The following ADD2 variants were observed in gnomAD, a reference collection of about 807,000 sequenced individuals.
ADD2 encodes adducin 2.
A neutral mutation model predicts 83.0 loss-of-function variants in ADD2; 23 were observed. The ratio of observed to expected loss-of-function variants is 0.28; its 90% CI spans 0.20 to 0.39. The LOEUF (loss-of-function observed/expected upper bound fraction) is 0.39, where lower values mean the gene tolerates loss of function less well. Ranked by LOEUF, ADD2 falls within the 10% of genes least tolerant of loss-of-function variation. ADD2 has a pLI of 1.00. For synonymous variants in ADD2, 375 were observed against 375.4 expected, an observed-to-expected ratio of 1.00 and a Z score of 0.01; for missense variants, 758 against 944.9, an observed-to-expected ratio of 0.80 and a Z score of 2.59.
At chr2:70,695,837 G>A in intron 5 of ADD2, 36 bp from the exon 6 acceptor site, 2 of 1,581,384 alleles carry the variant, frequency 1.3e-6, no homozygotes, top group Non-Finnish European at 1.7e-6. Context: ...GGGCAAGGAG[G>A]GAGAAAGGAC....
chr2:70,723,819 T>C (rs1488898515), intron 1 of ADD2, among the ~76,000 whole-genome samples: 2 of 151,986 alleles, frequency 1.3e-5, no homozygotes, highest in Non-Finnish European at 2.9e-5. Context: ...ACTCAAAGAA[T>C]GGGGTCAGAT....
At position 70,656,967 on chromosome 2, in the gene ADD2, C is replaced by G. The variant is rs1675378889; in HGVS notation, c.*6458G>C. Reference sequence around the variant, plus strand: ...AAAATCAAAGGGCAGCTTTGGTGCTCAGAGATTCAAACAGAAAACTATACA... The same window carrying G: ...AAAATCAAAGGGCAGCTTTGGTGCTGAGAGATTCAAACAGAAAACTATACA... On this transcript the variant is annotated 3_prime_UTR_variant, in exon 16 of 16. Transcript: ENST00000264436. 1 of 151,612 alleles carries G rather than the reference C, an allele frequency of 6.6e-6. No homozygotes were observed. 9.4% of individuals were successfully genotyped at this position (151,612 alleles called of 1,614,324 possible).
chr2:70,678,805 T>G lies in ADD2; in HGVS notation c.1282A>C (p.Lys428Gln), dbSNP rs782359850. 2 of 1,614,136 alleles carry G rather than the reference T, an allele frequency of 1.2e-6. No individual in the cohort carries two copies. Among genetic ancestry groups the G allele is most frequent in the Non-Finnish European group, 1.7e-6 (2 of 1,180,010 alleles). Residue 428 changes from lysine to glutamine, a missense_variant, in exon 11 of 16, where the codon AAG becomes CAG. Coordinates refer to ENST00000264436, the MANE Select transcript of ADD2 (RefSeq NM_001617.4). ...GTATTGAGCCAGCGGGTCTTCTCCTTCTGCTGCTTCTGGGCATGCTGTCGC... is the reference window on the plus strand; with the variant it reads ...GTATTGAGCCAGCGGGTCTTCTCCTGCTGCTGCTTCTGGGCATGCTGTCGC... ...ALRQHAQKQQ[K>Q]EKTRWLNTPN...
chr2:70,758,220 T>C (rs544499650), intron 1 of ADD2, among the ~76,000 whole-genome samples: 3 of 152,246 alleles, frequency 2.0e-5, no homozygotes, highest in South Asian at 4.1e-4. Context: ...TTTTCACAGA[T>C]GATGGGATAC....
At chr2:70,709,372 T>C (rs1428642653) in intron 2 of ADD2, among the ~76,000 whole-genome samples, 1 of 152,084 alleles carries the variant, frequency 6.6e-6, no homozygotes, top group Non-Finnish European at 1.5e-5. Flanking sequence ...GAAACAGATT[T>C]GGCAGGCTGC....
chr2:70,694,737 T>C (rs1553372286), intron 6 of ADD2, among the ~76,000 whole-genome samples: 1 of 152,030 alleles, frequency 6.6e-6, no homozygotes, highest in East Asian at 1.9e-4. Flanking sequence ...TCCTCCCTCA[T>C]TCCCTCTTTC....
At chr2:70,685,889 A>G (rs1553370454) in intron 9 of ADD2, among the ~76,000 whole-genome samples, 1 of 152,184 alleles carries the variant, frequency 6.6e-6, no homozygotes, top group Non-Finnish European at 1.5e-5. Context: ...GCTTCTTCCC[A>G]TCTGCCTGTC....
rs1328847315 is a variant in ADD2, at chr2:70,660,985, T to G, written c.*2440A>C. The G allele has an allele frequency of 6.6e-6, 1 of 152,292 alleles. No homozygotes were observed. The highest frequency in any genetic ancestry group is 6.5e-5 in the Admixed American group (1 of 15,298). The allele number at this position is 152,292 out of a possible 1,614,324, so 9.4% of individuals were successfully genotyped here. A position where few individuals can be genotyped will look rare whatever the true frequency, so the allele number is the denominator to read the frequency against. Reference sequence around the variant, plus strand: ...CTCATGCCTGGCCCTTGACCCAAGCTCAATGCATGTTTTTGGAATGCATGA... The same window carrying G: ...CTCATGCCTGGCCCTTGACCCAAGCGCAATGCATGTTTTTGGAATGCATGA... On this transcript the variant is annotated 3_prime_UTR_variant, in exon 16 of 16. Coordinates refer to ENST00000264436, the MANE Select transcript of ADD2 (RefSeq NM_001617.4).
At chr2:70,722,448 G>A (rs975641235) in intron 1 of ADD2, among the ~76,000 whole-genome samples, 5 of 152,234 alleles carry the variant, frequency 3.3e-5, no homozygotes, top group Admixed American at 1.3e-4. Flanking sequence ...AGAAGTTGAT[G>A]TCACCATTTT....
At position 70,683,874 on chromosome 2, in the gene ADD2, G is replaced by A. The variant is rs1044096712; in HGVS notation, c.949-107C>T. The A allele has an allele frequency of 3.1e-6, 4 of 1,293,830 alleles. No individual in the cohort carries two copies. In the South Asian group the frequency reaches 6.1e-5, roughly 20 times the overall value. The allele number at this position is 1,293,830 out of a possible 1,614,324, so 80.1% of individuals were successfully genotyped here. ...AATGGGGAGTCCAGAGGAGAACTTA[G>A]AGGCCAAACTGAGAAAGAGCCACCC... On this transcript the variant is annotated intron_variant, in intron 9 of 15. Coordinates refer to ENST00000264436, the MANE Select transcript of ADD2 (RefSeq NM_001617.4).
chr2:70,680,323 G>C (rs1294878360), intron 10 of ADD2, among the ~76,000 whole-genome samples: 2 of 152,100 alleles, frequency 1.3e-5, no homozygotes, highest in African/African-American at 4.8e-5. Context: ...TGCTTTTCCT[G>C]TGTTAAATTC....
At chr2:70,758,204 T>A (rs1674897269) in intron 1 of ADD2, among the ~76,000 whole-genome samples, 1 of 152,250 alleles carries the variant, frequency 6.6e-6, no homozygotes, top group Non-Finnish European at 1.5e-5. Flanking sequence ...GTCCATTTCA[T>A]CAAGATTTTC....
At chr2:70,687,507 C>G (rs557247582) in intron 9 of ADD2, 12 of 154,562 alleles carry the variant, frequency 7.8e-5, no homozygotes, top group Non-Finnish European at 1.3e-4. Context: ...AAGGCTGCCA[C>G]GTCAACACTC....
intron 4 of ADD2, among the ~76,000 whole-genome samples, chr2:70,701,013 T>A (rs1671557038): frequency 6.6e-6 from 1 of 152,118 alleles, no homozygotes; most frequent in African/African-American, 2.4e-5. Flanking sequence ...TTATTTAAAC[T>A]ATATCAGGGT....
chr2:70,683,273 T>C (rs575273613), intron 10 of ADD2, among the ~76,000 whole-genome samples: 20 of 152,192 alleles, frequency 1.3e-4, no homozygotes, highest in Non-Finnish European at 2.2e-4. Context: ...GTGATCTGCC[T>C]GCCTCGGCCT....
chr2:70,731,417 A>C (rs1163104730), intron 1 of ADD2, among the ~76,000 whole-genome samples: 1 of 152,208 alleles, frequency 6.6e-6, no homozygotes, highest in African/African-American at 2.4e-5. Context: ...TGCGATTAGG[A>C]GAAAGTTCAT....
chr2:70,673,052 G>C (rs1401368857), intron 14 of ADD2, 46 bp from the exon 15 acceptor site: 2 of 1,590,780 alleles, frequency 1.3e-6, no homozygotes, highest in Non-Finnish European at 1.7e-6. Context: ...AAATAGAGAA[G>C]AGATGGGCAG....
In ADD2 at chr2:70,763,722, A is replaced by G. The variant is rs114252831; in HGVS notation, c.-154+4164T>C. On this transcript the variant is annotated intron_variant, in intron 1 of 15. Transcript: ENST00000264436. ...AACAACTCATTCTTATAATATCACC[A>G]TGCAATCAATGCCATATATTTATTC... 4.9e-3 allele frequency among the ~76,000 whole-genome samples: 744 copies of G among 152,024 alleles called. 11 individuals carry two copies. The highest frequency in any genetic ancestry group is 0.037 in the East Asian group (191 of 5,178).
At chr2:70,683,512 C>A in intron 10 of ADD2, 79 bp downstream of exon 10, 1 of 1,452,786 alleles carries the variant, frequency 6.9e-7, no homozygotes, top group Non-Finnish European at 9.3e-7. Flanking sequence ...CTTGTGCCCA[C>A]CTGATGCCTT....
Sources: gnomAD v4.1 joint callset for allele counts (sites outside exome capture counted in the v4.1 genomes callset) on GRCh38, gnomAD v4.1.1 for gene constraint, MANE v1.5 for transcripts, NCBI Gene and HGNC (gene_info 2026-07-23, HGNC 2026-07-21) for gene names.